The following DSTN variants were observed in gnomAD, a reference collection of about 807,000 sequenced individuals.
DSTN encodes the protein destrin, actin depolymerizing factor.
DSTN carries 10 observed loss-of-function variants against 16.8 expected under a neutral mutation model. That is an observed-to-expected ratio of 0.60 (90% CI 0.37 to 1.01). The LOEUF (loss-of-function observed/expected upper bound fraction) is 1.01, where lower values mean the gene tolerates loss of function less well. DSTN is among the 50% of genes least tolerant of loss of function. DSTN has a pLI of 0.01. For synonymous variants in DSTN, 57 were observed against 58.9 expected (o/e 0.97, Z 0.14); for missense variants, 141 against 196.7 (o/e 0.72, Z 1.69).
chr20:17,580,044 TG>T (rs1316517580), intron 1 of DSTN, among the ~76,000 whole-genome samples: 2 of 152,252 alleles, frequency 1.3e-5, no homozygotes, highest in East Asian at 3.8e-4. Flanking sequence ...CCTCAGTAGT[TG>T]TAGAGCAAAT....
chr20:17,574,296 G>A (rs192430213), intron 1 of DSTN, among the ~76,000 whole-genome samples: 2 of 152,220 alleles, frequency 1.3e-5, no homozygotes, highest in East Asian at 3.9e-4. Flanking sequence ...AGGCCCCTTA[G>A]CCAGCTAATT....
intron 1 of DSTN, 107 bp from the exon 2 acceptor site, chr20:17,600,631 T>G: frequency 7.8e-7 from 1 of 1,280,942 alleles, no homozygotes; most frequent in Non-Finnish European, 1.1e-6. Flanking sequence ...TTAGATGATA[T>G]ACCTTTAAAA....
chr20:17,607,079 A>T lies in DSTN; in HGVS notation c.431A>T (p.Asn144Ile). The part of the protein sequence containing the change: ...ECQANGPEDL[N>I]RACIAEKLGG... Reference sequence around the variant, plus strand: ...CAAGCAAATGGACCAGAAGATCTCAATCGGGCTTGTATTGCTGAAAAGTTA... The same window carrying T: ...CAAGCAAATGGACCAGAAGATCTCATTCGGGCTTGTATTGCTGAAAAGTTA... The change falls in exon 4 of 4, where the codon AAT (asparagine) becomes ATT (isoleucine). Residue 144 changes from asparagine to isoleucine, a missense_variant. Coordinates refer to ENST00000246069, the MANE Select transcript of DSTN (RefSeq NM_006870.4). 1 of 1,613,732 alleles carries T rather than the reference A, an allele frequency of 6.2e-7. No individual in the cohort carries two copies. The highest frequency in any genetic ancestry group is 8.5e-7 in the Non-Finnish European group (1 of 1,180,008).
intron 1 of DSTN, among the ~76,000 whole-genome samples, chr20:17,592,429 C>CAAAA (rs35327345): frequency 1.8e-5 from 2 of 109,530 alleles, no homozygotes; most frequent in Non-Finnish European, 2.0e-5. Flanking sequence ...GACCTTGTCT[C>CAAAA]AAAAAAAAAA....
intron 1 of DSTN, among the ~76,000 whole-genome samples, chr20:17,592,890 C>T (rs2035485154): frequency 6.6e-6 from 1 of 152,224 alleles, no homozygotes; most frequent in African/African-American, 2.4e-5. Flanking sequence ...GCCTTTTGCA[C>T]CTCTTGCCTT....
chr20:17,582,934 T>A (rs1235649479), intron 1 of DSTN, among the ~76,000 whole-genome samples: 1 of 152,154 alleles, frequency 6.6e-6, no homozygotes, highest in East Asian at 1.9e-4. Flanking sequence ...ACCCACAGAA[T>A]AGGAAAAGAT....
intron 2 of DSTN, among the ~76,000 whole-genome samples, chr20:17,603,285 T>C (rs776238572): frequency 1.3e-4 from 20 of 152,214 alleles, no homozygotes; most frequent in Non-Finnish European, 2.9e-4. Context: ...CAGAAGTATT[T>C]AGCTATACCG....
intron 1 of DSTN, among the ~76,000 whole-genome samples, chr20:17,586,008 AAAG>A (rs2035403568): frequency 6.6e-6 from 1 of 152,238 alleles, no homozygotes; most frequent in East Asian, 1.9e-4. Context: ...AATAGACAAA[AAAG>A]AAGAGAGAGA....
At chr20:17,586,314 T>G (rs1279045781) in intron 1 of DSTN, among the ~76,000 whole-genome samples, 3 of 152,168 alleles carry the variant, frequency 2.0e-5, no homozygotes, top group Non-Finnish European at 4.4e-5. Flanking sequence ...ACTTGCAGCG[T>G]CTCCAAGGTA....
intron 1 of DSTN, among the ~76,000 whole-genome samples, chr20:17,571,705 C>A (rs1382933017): frequency 6.6e-6 from 1 of 152,194 alleles, no homozygotes; most frequent in East Asian, 1.9e-4. Flanking sequence ...TGACATTATG[C>A]TTTTTTATTG....
intron 1 of DSTN, among the ~76,000 whole-genome samples, chr20:17,588,405 C>T (rs1040068614): frequency 3.3e-5 from 5 of 152,188 alleles, no homozygotes; most frequent in African/African-American, 1.2e-4. Context: ...CCACCTTGGG[C>T]ACATGTTCTC....
chr20:17,601,148 T>G, intron 2 of DSTN, 103 bp downstream of exon 2: 1 of 1,353,516 alleles, frequency 7.4e-7, no homozygotes, highest in East Asian at 2.5e-5. Flanking sequence ...CTATTTGCAG[T>G]TGTTGTCATT....
intron 1 of DSTN, among the ~76,000 whole-genome samples, chr20:17,592,458 C>A (rs1047614500): frequency 6.6e-6 from 1 of 151,412 alleles, no homozygotes; most frequent in Admixed American, 6.6e-5. Flanking sequence ...ATCTCGGAAC[C>A]GGTTATTTAA....
At chr20:17,587,739 C>A (rs2035426841) in intron 1 of DSTN, among the ~76,000 whole-genome samples, 1 of 151,912 alleles carries the variant, frequency 6.6e-6, no homozygotes, top group Admixed American at 6.6e-5. Flanking sequence ...AGGCATCAAT[C>A]AAGCTAAATA....
rs1354147534 is a variant in DSTN, at chr20:17,574,865, C to CTTTTCTTTTTTTTTTTTTTTT, written c.3+4658_3+4659insCTTTTTTTTTTTTTTTTTTTT. On this transcript the variant is annotated intron_variant, in intron 1 of 3. Transcript: ENST00000246069. ...CTTTCTTTTCTTTTTCTTTTCTTTT[C>CTTTTCTTTTTTTTTTTTTTTT]TTTTGTTTTTTTTTTTTTTTTTTTT... is the stretch of plus-strand genomic sequence containing the variant. Among the ~76,000 whole-genome samples, 11 of 64,252 alleles carry CTTTTCTTTTTTTTTTTTTTTT rather than the reference C, an allele frequency of 1.7e-4. 2 individuals are homozygous for CTTTTCTTTTTTTTTTTTTTTT. Among genetic ancestry groups the CTTTTCTTTTTTTTTTTTTTTT allele is most frequent in the African/African-American group, 6.6e-4 (11 of 16,706 alleles). The allele number at this position is 64,252 out of a possible 152,430, so 42.2% of individuals were successfully genotyped here. A position where few individuals can be genotyped will look rare whatever the true frequency, so the allele number is the denominator to read the frequency against.
At position 17,607,381 on chromosome 20, in the gene DSTN, T is replaced by TA; in HGVS notation, c.*236dup. Reference sequence around the variant, plus strand: ...AAATGCCTGTTTTGATGAGTTGATTTATAAAGATTTTTGTTAAGCTCAGGA... The same window carrying TA: ...AAATGCCTGTTTTGATGAGTTGATTTAATAAAGATTTTTGTTAAGCTCAGGA... On this transcript the variant is annotated 3_prime_UTR_variant, in exon 4 of 4. Coordinates refer to ENST00000246069, the MANE Select transcript of DSTN (RefSeq NM_006870.4). 1 of 402,184 alleles carries TA rather than the reference T, an allele frequency of 2.5e-6. No individual in the cohort carries two copies. Among genetic ancestry groups the TA allele is most frequent in the Non-Finnish European group, 4.4e-6 (1 of 227,356 alleles). 24.9% of individuals were successfully genotyped at this position (402,184 alleles called of 1,614,324 possible).
At chr20:17,597,805 C>T (rs779713050) in intron 1 of DSTN, among the ~76,000 whole-genome samples, 5 of 152,194 alleles carry the variant, frequency 3.3e-5, no homozygotes, top group African/African-American at 4.8e-5. Context: ...AGAACATTTT[C>T]ATTACTTCAG....
At chr20:17,580,063 G>GT (rs2035325932) in intron 1 of DSTN, among the ~76,000 whole-genome samples, 1 of 152,218 alleles carries the variant, frequency 6.6e-6, no homozygotes, top group Non-Finnish European at 1.5e-5. Context: ...AATGAAAAGA[G>GT]TTGGAGGAGT....
chr20:17,605,667 GCTAA>G (rs940283143), intron 3 of DSTN, among the ~76,000 whole-genome samples: 21 of 152,308 alleles, frequency 1.4e-4, no homozygotes, highest in Middle Eastern at 3.4e-3. Context: ...TCACTGGGTT[GCTAA>G]CTGACACTTT....
Sources: allele counts gnomAD v4.1 joint callset (sites outside exome capture counted in the v4.1 genomes callset), GRCh38; gene constraint gnomAD v4.1.1; transcripts MANE v1.5; gene names NCBI Gene and HGNC (gene_info 2026-07-23, HGNC 2026-07-21).